The following FNDC3B variants were observed in gnomAD, a reference collection of about 807,000 sequenced individuals.
FNDC3B encodes fibronectin type III domain containing 3B.
A neutral mutation model predicts 151.5 loss-of-function variants in FNDC3B; 12 were observed. The ratio of observed to expected loss-of-function variants is 0.08; its 90% CI spans 0.05 to 0.13. The LOEUF (loss-of-function observed/expected upper bound fraction) is 0.13, where lower values mean the gene tolerates loss of function less well. Ranked by LOEUF, FNDC3B falls within the 10% of genes least tolerant of loss-of-function variation. The pLI, the probability that FNDC3B is intolerant of heterozygous loss-of-function variation, is 1.00. For synonymous variants in FNDC3B, 528 were observed against 549.0 expected (o/e 0.96, Z 0.54); for missense variants, 1,214 against 1,505.3 (o/e 0.81, Z 3.20).
intron 3 of FNDC3B, among the ~76,000 whole-genome samples, chr3:172,226,133 C>T (rs1466972997): frequency 2.2e-4 from 34 of 151,954 alleles, no homozygotes; most frequent in Admixed American, 2.1e-3. Flanking sequence ...CAGTGAAACC[C>T]GTCTCTACTA....
intron 23 of FNDC3B, among the ~76,000 whole-genome samples, chr3:172,375,978 G>T (rs1735118101): frequency 6.6e-6 from 1 of 152,040 alleles, no homozygotes; most frequent in Non-Finnish European, 1.5e-5. Flanking sequence ...GAGTCTTCAA[G>T]GTCACTCCCA....
At chr3:172,285,804 A>T (rs767955781) in intron 6 of FNDC3B, 122 bp from the exon 7 acceptor site, 3 of 707,138 alleles carry the variant, frequency 4.2e-6, no homozygotes, top group South Asian at 1.6e-5. Flanking sequence ...AATATCAAAA[A>T]TTCATGATAA....
intron 6 of FNDC3B, among the ~76,000 whole-genome samples, chr3:172,275,303 G>A (rs561369784): frequency 6.6e-6 from 1 of 152,064 alleles, no homozygotes; most frequent in African/African-American, 2.4e-5. Context: ...TCATTCTGAG[G>A]GGGGGAAATA....
intron 1 of FNDC3B, among the ~76,000 whole-genome samples, chr3:172,095,092 T>C (rs1344688235): frequency 6.6e-6 from 1 of 152,168 alleles, no homozygotes; most frequent in Non-Finnish European, 1.5e-5. Flanking sequence ...TTGTTTTTCA[T>C]TGACTCAGAC....
chr3:172,108,332 T>A (rs1041016987), intron 1 of FNDC3B, among the ~76,000 whole-genome samples: 1 of 152,260 alleles, frequency 6.6e-6, no homozygotes, highest in Non-Finnish European at 1.5e-5. Flanking sequence ...GCCTGCTCTT[T>A]AATGAAGAAC....
intron 25 of FNDC3B, among the ~76,000 whole-genome samples, chr3:172,391,399 C>T (rs1210571771): frequency 6.6e-6 from 1 of 152,124 alleles, no homozygotes; most frequent in African/African-American, 2.4e-5. Flanking sequence ...CTGTTACTTG[C>T]CTGAGATCAC....
chr3:172,295,866 C>A (rs1284642880), intron 8 of FNDC3B, among the ~76,000 whole-genome samples: 1 of 152,198 alleles, frequency 6.6e-6, no homozygotes, highest in Admixed American at 6.5e-5. Context: ...TGTTTTAGAT[C>A]CAGACCTTTT....
intron 20 of FNDC3B, among the ~76,000 whole-genome samples, chr3:172,346,862 C>A (rs141941254): frequency 6.6e-6 from 1 of 152,012 alleles, no homozygotes; most frequent in Non-Finnish European, 1.5e-5. Context: ...CACCACCATG[C>A]CTGGCTAGTT....
chr3:172,329,373 T>G (rs944331182), intron 12 of FNDC3B: 16 of 310,968 alleles, frequency 5.1e-5, no homozygotes, highest in African/African-American at 3.4e-4. Context: ...TTTAATTTTT[T>G]AGATCACATG....
intron 1 of FNDC3B, among the ~76,000 whole-genome samples, chr3:172,067,662 A>T (rs1717564943): frequency 6.6e-6 from 1 of 151,970 alleles, no homozygotes; most frequent in Non-Finnish European, 1.5e-5. Flanking sequence ...TTGCACCTGG[A>T]TCAGTGGAGC....
chr3:172,162,001 G>A (rs905900688), intron 3 of FNDC3B, among the ~76,000 whole-genome samples: 3 of 149,444 alleles, frequency 2.0e-5, no homozygotes, highest in South Asian at 2.1e-4. Flanking sequence ...GGGGGGGACA[G>A]AGTCTCTCTC....
At chr3:172,336,623 G>A (rs1295362068) in intron 15 of FNDC3B, among the ~76,000 whole-genome samples, 2 of 152,106 alleles carry the variant, frequency 1.3e-5, no homozygotes, top group Admixed American at 6.5e-5. Context: ...CTTGTTGGCC[G>A]GGCACGGTGG....
chr3:172,048,064 A>G (rs1716448618), intron 1 of FNDC3B, among the ~76,000 whole-genome samples: 1 of 152,170 alleles, frequency 6.6e-6, no homozygotes, highest in Non-Finnish European at 1.5e-5. Flanking sequence ...AGTTCCAGGT[A>G]CTGTATGAAC....
At chr3:172,315,549 T>G (rs1731738226) in intron 11 of FNDC3B, among the ~76,000 whole-genome samples, 1 of 152,200 alleles carries the variant, frequency 6.6e-6, no homozygotes. Context: ...TGGGGTTTAA[T>G]AACTGACCCC....
intron 10 of FNDC3B, among the ~76,000 whole-genome samples, chr3:172,308,064 A>G (rs188771637): frequency 4.6e-5 from 7 of 152,328 alleles, no homozygotes; most frequent in Middle Eastern, 3.4e-3. Flanking sequence ...CCCTTTTGGC[A>G]CATTTCAGTG....
At chr3:172,153,564 G>A (rs569151764) in intron 3 of FNDC3B, among the ~76,000 whole-genome samples, 34 of 152,356 alleles carry the variant, frequency 2.2e-4, no homozygotes, top group African/African-American at 6.7e-4. Context: ...TCACCAGCGG[G>A]ATACGGAACA....
intron 25 of FNDC3B, among the ~76,000 whole-genome samples, chr3:172,387,096 A>G (rs1364038398): frequency 1.3e-5 from 2 of 152,066 alleles, no homozygotes; most frequent in Non-Finnish European, 2.9e-5. Flanking sequence ...AGATGGGATT[A>G]AAGGCGCCTG....
At position 172,352,837 on chromosome 3, in the gene FNDC3B, A is replaced by C; in HGVS notation, c.2549A>C (p.Glu850Ala). ...CAAGCAGGGGCAGGGCCGTACAGTGAACTTGTCCTTTGCCAGACGCCAGCG... is the reference window on the plus strand; with the variant it reads ...CAAGCAGGGGCAGGGCCGTACAGTGCACTTGTCCTTTGCCAGACGCCAGCG... ...FNQAGAGPYSELVLCQTPASA... is the reference protein window; with the variant it reads ...FNQAGAGPYSALVLCQTPASA... The change falls in exon 22 of 26, where the codon GAA becomes GCA. Residue 850 changes from glutamate to alanine, a missense_variant. Glu to Ala is a moderately radical substitution (Grantham distance 107). Coordinates refer to ENST00000415807, the MANE Select transcript of FNDC3B (RefSeq NM_022763.4). This position sits in a 1 kb window ranked among gnomAD's most constrained non-coding sequence, Gnocchi z 4.2. 1 of 1,614,088 alleles carries C rather than the reference A, an allele frequency of 6.2e-7. No homozygotes were observed. The highest frequency in any genetic ancestry group is 8.5e-7 in the Non-Finnish European group (1 of 1,180,014).
chr3:172,209,655 C>T (rs754526409), intron 3 of FNDC3B, among the ~76,000 whole-genome samples: 3 of 152,220 alleles, frequency 2.0e-5, no homozygotes, highest in African/African-American at 4.8e-5. Flanking sequence ...TCCCAGTAGC[C>T]GACTCCACCC....
Sources: gnomAD v4.1 joint callset for allele counts (sites outside exome capture counted in the v4.1 genomes callset) on GRCh38, gnomAD v4.1.1 for gene constraint, Gnocchi (gnomAD v3.1) non-coding constraint, MANE v1.5 for transcripts, NCBI Gene and HGNC (gene_info 2026-07-23, HGNC 2026-07-21) for gene names.